SMYD3: variants seen among roughly 807,000 people sequenced by gnomAD.
SMYD3 encodes the protein histone-lysine N-methyltransferase SMYD3.
SMYD3 carries 36 observed loss-of-function variants against 57.7 expected under a neutral mutation model. The observed-to-expected ratio is 0.62, with a 90% CI of 0.48 to 0.82. The LOEUF (loss-of-function observed/expected upper bound fraction) is 0.82. SMYD3 is among the 40% of genes least tolerant of loss of function. SMYD3 has a pLI of 0.00. For missense variants in SMYD3, 515 were observed against 538.8 expected (o/e 0.96, Z 0.44); for synonymous variants, 211 against 195.0 (o/e 1.08, Z -0.68).
At chr1:246,123,325 T>C (rs1199060183) in intron 5 of SMYD3, among the ~76,000 whole-genome samples, 1 of 152,070 alleles carries the variant, frequency 6.6e-6, no homozygotes, top group Non-Finnish European at 1.5e-5. Context: ...CCCAGCACTT[T>C]GGGAGGCCGA....
chr1:246,175,628 C>CA (rs1419908849), intron 5 of SMYD3, among the ~76,000 whole-genome samples: 1 of 152,140 alleles, frequency 6.6e-6, no homozygotes, highest in African/African-American at 2.4e-5. Context: ...GGTGGTCATT[C>CA]ACTCAATTTG....
chr1:246,083,740 T>A (rs1353728966), intron 5 of SMYD3, among the ~76,000 whole-genome samples: 1 of 152,066 alleles, frequency 6.6e-6, no homozygotes. Context: ...TCACCTACAA[T>A]TCAGGTAAGT....
chr1:246,009,649 T>C (rs1199865710), intron 5 of SMYD3, among the ~76,000 whole-genome samples: 1 of 151,990 alleles, frequency 6.6e-6, no homozygotes, highest in East Asian at 1.9e-4. Context: ...GCCAGAGCCG[T>C]AAGGCAAGTC....
At chr1:246,008,105 A>C (rs1352645989) in intron 5 of SMYD3, among the ~76,000 whole-genome samples, 1 of 152,244 alleles carries the variant, frequency 6.6e-6, no homozygotes, top group East Asian at 1.9e-4. Flanking sequence ...ATGGTATCAC[A>C]AGCGATGTGA....
chr1:246,077,284 C>G (rs938260399), intron 5 of SMYD3, among the ~76,000 whole-genome samples: 1 of 152,124 alleles, frequency 6.6e-6, no homozygotes, highest in Non-Finnish European at 1.5e-5. Flanking sequence ...CAATAAACAG[C>G]CTTTGGAAGT....
chr1:245,901,998 C>T (rs1354798192), intron 8 of SMYD3, among the ~76,000 whole-genome samples: 5 of 152,110 alleles, frequency 3.3e-5, no homozygotes, highest in African/African-American at 1.2e-4. Flanking sequence ...CTAGTCACCC[C>T]TCAGGACCCA....
chr1:245,905,538 TTTTAGTGCCAGCTC>T (rs2054503430), intron 8 of SMYD3, among the ~76,000 whole-genome samples: 1 of 152,122 alleles, frequency 6.6e-6, no homozygotes, highest in African/African-American at 2.4e-5. Context: ...AGTCTTACAG[TTTTAGTGCCAGCTC>T]AGTCGTAATA....
chr1:246,134,264 T>C (rs1178853497), intron 5 of SMYD3, among the ~76,000 whole-genome samples: 1 of 152,120 alleles, frequency 6.6e-6, no homozygotes, highest in Admixed American at 6.6e-5. Context: ...CTTTTATAAA[T>C]AGTACTCCCA....
At chr1:246,323,789 T>C (rs1012115065) in intron 5 of SMYD3, among the ~76,000 whole-genome samples, 1 of 152,006 alleles carries the variant, frequency 6.6e-6, no homozygotes, top group African/African-American at 2.4e-5. Flanking sequence ...TAAATAAAAG[T>C]CTGCTGTACT....
At chr1:246,094,742 C>A (rs1558222982) in intron 5 of SMYD3, among the ~76,000 whole-genome samples, 1 of 152,206 alleles carries the variant, frequency 6.6e-6, no homozygotes, top group African/African-American at 2.4e-5. Flanking sequence ...TCACATGAGC[C>A]ATACTTCATT....
chr1:245,849,661 A>ATTTTG (rs3086295), intron 10 of SMYD3, among the ~76,000 whole-genome samples: 60,738 of 151,236 alleles, frequency 0.4, 12,814 homozygotes, highest in East Asian at 0.81. Flanking sequence ...TATATTATTT[A>ATTTTG]TTTTATTTTG....
intron 1 of SMYD3, among the ~76,000 whole-genome samples, chr1:246,493,771 G>C (rs12034980): frequency 2.0e-4 from 18 of 90,062 alleles, no homozygotes; most frequent in African/African-American, 4.7e-4. Flanking sequence ...CCACAGAGCA[G>C]TACTGTCACC....
At chr1:246,172,944 T>C (rs2062367707) in intron 5 of SMYD3, among the ~76,000 whole-genome samples, 1 of 150,322 alleles carries the variant, frequency 6.7e-6, no homozygotes, top group Admixed American at 6.6e-5. Context: ...TACACAGGCC[T>C]AGAACACTCA....
intron 5 of SMYD3, among the ~76,000 whole-genome samples, chr1:246,079,043 G>A (rs2060594715): frequency 6.6e-6 from 1 of 150,988 alleles, no homozygotes; most frequent in Non-Finnish European, 1.5e-5. Context: ...TAAAGTGAAA[G>A]CAACTTTATT....
chr1:246,101,062 GGGTTTTTT>G (rs2061000111), intron 5 of SMYD3, among the ~76,000 whole-genome samples: 4 of 99,854 alleles, frequency 4.0e-5, no homozygotes, highest in Non-Finnish European at 7.2e-5. Flanking sequence ...GTATTTTTAG[GGGTTTTTT>G]GTTTTTTTTT....
chr1:246,479,009 T>C (rs2068067544), intron 1 of SMYD3, among the ~76,000 whole-genome samples: 2 of 151,128 alleles, frequency 1.3e-5, no homozygotes, highest in African/African-American at 4.9e-5. Context: ...TGCTCATATA[T>C]GTACACCTGT....
chr1:246,359,312 A>G (rs939440561), intron 1 of SMYD3, among the ~76,000 whole-genome samples: 3 of 152,096 alleles, frequency 2.0e-5, no homozygotes, highest in Non-Finnish European at 4.4e-5. Context: ...AGACTGAAAT[A>G]GTAATTCTTT....
intron 10 of SMYD3, among the ~76,000 whole-genome samples, chr1:245,778,759 G>C (rs1038996803): frequency 6.6e-6 from 1 of 152,078 alleles, no homozygotes; most frequent in African/African-American, 2.4e-5. Flanking sequence ...TCATGACCCT[G>C]AGTTAGGCAA....
At chr1:246,297,192 C>T (rs1186401006) in intron 5 of SMYD3, among the ~76,000 whole-genome samples, 4 of 152,024 alleles carry the variant, frequency 2.6e-5, no homozygotes, top group African/African-American at 9.7e-5. Flanking sequence ...GAAAGAGAAA[C>T]AAGGACCATC....
Sources: gnomAD v4.1 joint callset for allele counts (sites outside exome capture counted in the v4.1 genomes callset) on GRCh38, gnomAD v4.1.1 for gene constraint, MANE v1.5 for transcripts, NCBI Gene and HGNC (gene_info 2026-07-23, HGNC 2026-07-21) for gene names.